Variants in CDH20 observed in about 807,000 individuals in gnomAD.
CDH20 encodes cadherin-20.
A neutral mutation model predicts 74.2 loss-of-function variants in CDH20; 29 were observed. That is an observed-to-expected ratio of 0.39 (90% CI 0.29 to 0.53). The LOEUF (loss-of-function observed/expected upper bound fraction) is 0.53, where lower values mean the gene tolerates loss of function less well. CDH20 is among the 20% of genes least tolerant of loss of function. The probability of loss-of-function intolerance (pLI) is 0.69; values close to 1 mark genes in which losing one functional copy is unlikely to be tolerated. For synonymous variants in CDH20, 469 were observed against 405.4 expected (o/e 1.16, Z -1.88); for missense variants, 988 against 1,048.3 (o/e 0.94, Z 0.79).
Position 61,431,927 on chromosome 18 carries a change from C to T in CDH20, c.-152-58475C>T, listed in dbSNP as rs115270675. ...TGTACCAACTGATGATTAACATGAACGCTTTGTATTTAGAAAGATAAATTA... is the reference window on the plus strand; with the variant it reads ...TGTACCAACTGATGATTAACATGAATGCTTTGTATTTAGAAAGATAAATTA... On this transcript the variant is annotated intron_variant, in intron 1 of 11. Transcript: ENST00000262717. Among the ~76,000 whole-genome samples the T allele has an allele frequency of 4.3e-3, 653 of 152,058 alleles. 4 individuals carry two copies. The highest frequency in any genetic ancestry group is 0.015 in the African/African-American group (603 of 41,488).
intron 9 of CDH20, among the ~76,000 whole-genome samples, chr18:61,539,465 A>G (rs1599156726): frequency 1.3e-5 from 2 of 152,248 alleles, no homozygotes; most frequent in East Asian, 1.9e-4. Context: ...ACAAAAAACT[A>G]TTTGGAACCT....
At chr18:61,339,845 G>C (rs1431251721) in intron 1 of CDH20, among the ~76,000 whole-genome samples, 1 of 151,744 alleles carries the variant, frequency 6.6e-6, no homozygotes, top group African/African-American at 2.4e-5. Flanking sequence ...CCGCCACCAT[G>C]CCCAGCTAAT....
chr18:61,494,419 T>C (rs755659416), intron 2 of CDH20, among the ~76,000 whole-genome samples: 25 of 152,174 alleles, frequency 1.6e-4, no homozygotes, highest in Non-Finnish European at 1.3e-4. Flanking sequence ...AAGACACCCA[T>C]GCATCTCAAC....
At chr18:61,418,956 A>T (rs1912788516) in intron 1 of CDH20, among the ~76,000 whole-genome samples, 1 of 152,174 alleles carries the variant, frequency 6.6e-6, no homozygotes, top group African/African-American at 2.4e-5. Context: ...TTTGAATTTG[A>T]TAAATCTTGC....
intron 1 of CDH20, among the ~76,000 whole-genome samples, chr18:61,453,147 A>G (rs370408407): frequency 6.6e-6 from 1 of 152,142 alleles, no homozygotes; most frequent in African/African-American, 2.4e-5. Context: ...TTTTATAGCC[A>G]CATCCACTTC....
At chr18:61,360,118 G>C (rs560710804) in intron 1 of CDH20, among the ~76,000 whole-genome samples, 369 of 152,258 alleles carry the variant, frequency 2.4e-3, no homozygotes, top group Non-Finnish European at 4.3e-3. Context: ...AAACAGGCAG[G>C]AAAAATAGTG....
rs1227502362 is a variant in CDH20, at chr18:61,538,602, GTT to G, written c.1409-418_1409-417del. 8.1e-4 allele frequency among the ~76,000 whole-genome samples: 41 copies of G among 50,426 alleles called. 2 individuals are homozygous for G. Among genetic ancestry groups the G allele is most frequent in the East Asian group, 7.7e-3 (16 of 2,078 alleles). 33.1% of individuals were successfully genotyped at this position (50,426 alleles called of 152,430 possible). On this transcript the variant is annotated intron_variant, in intron 8 of 11. Transcript: ENST00000262717. ...ACTTTTTGTTTGTTTGTTTGTTTTTGTTTTTGTTTTTGTTTTTGTTTTGTTTT... is the reference window on the plus strand; with the variant it reads ...ACTTTTTGTTTGTTTGTTTGTTTTTGTTTGTTTTTGTTTTTGTTTTGTTTT...
intron 1 of CDH20, among the ~76,000 whole-genome samples, chr18:61,388,209 T>C (rs1324028228): frequency 6.6e-6 from 1 of 151,996 alleles, no homozygotes; most frequent in Non-Finnish European, 1.5e-5. Context: ...GATGGATGAG[T>C]AATATTTTTA....
At chr18:61,368,142 G>A (rs1484421086) in intron 1 of CDH20, among the ~76,000 whole-genome samples, 1 of 152,014 alleles carries the variant, frequency 6.6e-6, no homozygotes, top group Non-Finnish European at 1.5e-5. Flanking sequence ...CATTGGGCCT[G>A]CTTGGATAAT....
At chr18:61,493,594 CAT>C (rs1312678149) in intron 2 of CDH20, among the ~76,000 whole-genome samples, 1 of 152,344 alleles carries the variant, frequency 6.6e-6, no homozygotes, top group African/African-American at 2.4e-5. Context: ...CCTGACCCCA[CAT>C]GTGTGCCCAC....
chr18:61,553,291 C>T (rs376815725), intron 11 of CDH20, among the ~76,000 whole-genome samples: 1 of 151,752 alleles, frequency 6.6e-6, no homozygotes, highest in Admixed American at 6.6e-5. Flanking sequence ...AGCAGTTCTA[C>T]AGCTAAAACC....
At chr18:61,366,084 G>A (rs1910850155) in intron 1 of CDH20, among the ~76,000 whole-genome samples, 1 of 152,052 alleles carries the variant, frequency 6.6e-6, no homozygotes, top group Non-Finnish European at 1.5e-5. Context: ...CATAAATATA[G>A]GCTTTTGTGA....
At position 61,538,584 on chromosome 18, in the gene CDH20, G is replaced by GT. The variant is rs1568182044; in HGVS notation, c.1409-437dup. 4.3e-4 allele frequency among the ~76,000 whole-genome samples: 24 copies of GT among 55,822 alleles called. 1 individual carries two copies. The highest frequency in any genetic ancestry group is 5.9e-4 in the Non-Finnish European group (17 of 28,600). 36.6% of individuals were successfully genotyped at this position (55,822 alleles called of 152,430 possible). A position where few individuals can be genotyped will look rare whatever the true frequency, so the allele number is the denominator to read the frequency against. ...CTCACCAAGTAAATAACTACTTTTT[G>GT]TTTGTTTGTTTGTTTTTGTTTTTGT... On this transcript the variant is annotated intron_variant, in intron 8 of 11. Transcript: ENST00000262717.
intron 1 of CDH20, among the ~76,000 whole-genome samples, chr18:61,450,745 T>G (rs1168582548): frequency 6.6e-6 from 1 of 152,100 alleles, no homozygotes; most frequent in African/African-American, 2.4e-5. Flanking sequence ...TCTTAAAGCC[T>G]AATGGTTTTG....
At chr18:61,527,818 T>C (rs953059836) in intron 6 of CDH20, 149 bp from the exon 7 acceptor site, 2 of 723,272 alleles carry the variant, frequency 2.8e-6, no homozygotes, top group Non-Finnish European at 4.6e-6. Flanking sequence ...AAGACAAAGA[T>C]TTCCCTTCTT....
At chr18:61,341,687 A>G (rs1296596231) in intron 1 of CDH20, among the ~76,000 whole-genome samples, 1 of 152,224 alleles carries the variant, frequency 6.6e-6, no homozygotes, top group Non-Finnish European at 1.5e-5. Context: ...TTTTTGGAAT[A>G]TTAAGTAAGA....
chr18:61,521,203 G>A (rs766363292), intron 6 of CDH20, among the ~76,000 whole-genome samples: 8 of 150,960 alleles, frequency 5.3e-5, no homozygotes, highest in Non-Finnish European at 1.2e-4. Flanking sequence ...AGAAAAGAGA[G>A]AAGAATCAAA....
chr18:61,544,154 A>T (rs1233221066), intron 9 of CDH20, among the ~76,000 whole-genome samples: 3 of 152,158 alleles, frequency 2.0e-5, no homozygotes, highest in Non-Finnish European at 4.4e-5. Context: ...GGAACGGGAG[A>T]GTTCCCTTAT....
At chr18:61,445,307 A>C (rs895581222) in intron 1 of CDH20, among the ~76,000 whole-genome samples, 2 of 112,626 alleles carry the variant, frequency 1.8e-5, no homozygotes, top group African/African-American at 6.6e-5. Context: ...CCATTTACAC[A>C]AAAAAAATCC....
Sources: allele counts gnomAD v4.1 joint callset (sites outside exome capture counted in the v4.1 genomes callset), GRCh38; gene constraint gnomAD v4.1.1; transcripts MANE v1.5; gene names NCBI Gene and HGNC (gene_info 2026-07-23, HGNC 2026-07-21).